CFAP20DC: variants seen among roughly 807,000 people sequenced by gnomAD.
The protein encoded by CFAP20DC is protein CFAP20DC.
In CFAP20DC, 84 loss-of-function variants were observed where a neutral mutation model predicts 101.7. The observed-to-expected ratio is 0.83, with a 90% CI of 0.69 to 0.99. The LOEUF (loss-of-function observed/expected upper bound fraction) is 0.99, where lower values mean the gene tolerates loss of function less well. Ranked by LOEUF, CFAP20DC falls within the 50% of genes least tolerant of loss-of-function variation. The pLI is 0.00. For synonymous variants in CFAP20DC, 359 were observed against 351.2 expected (o/e 1.02, Z -0.25); for missense variants, 1,007 against 970.3 (o/e 1.04, Z -0.50).
rs747290120 is a variant in CFAP20DC, at chr3:58,963,694, T to C, written c.279-25932A>G. Among the ~76,000 whole-genome samples the C allele has an allele frequency of 2.6e-4, 40 of 152,004 alleles. 1 individual carries two copies. The highest frequency in any genetic ancestry group is 1.3e-4 in the Admixed American group (2 of 15,262). On this transcript the variant is annotated intron_variant, in intron 4 of 16. Coordinates refer to ENST00000482387, the MANE Select transcript of CFAP20DC (RefSeq NM_001394063.1). ...AGTAATGTATGCTCATTTTGGAAAATCTGGAAAACATGGAAAAGAGGAAAG... is the reference window on the plus strand; with the variant it reads ...AGTAATGTATGCTCATTTTGGAAAACCTGGAAAACATGGAAAAGAGGAAAG...
In CFAP20DC at chr3:58,724,777, C is replaced by T. The variant is rs1485862754; in HGVS notation, c.198-7149G>A. 6.6e-6 allele frequency among the ~76,000 whole-genome samples: 1 copy of T among 152,094 alleles called. No homozygotes were observed. Among genetic ancestry groups the T allele is most frequent in the Non-Finnish European group, 1.5e-5 (1 of 68,014 alleles). ...AACTCTTAACCTGTCTCTTCTCAAT[C>T]CTTTGTCGCCACCGGACTTCGGGTA... On this transcript the variant is annotated intron_variant, in intron 3 of 3. Coordinates refer to the CFAP20DC transcript ENST00000486145. The surrounding 1 kb of genome is among the most constrained non-coding windows in gnomAD (Gnocchi z 5.6).
chr3:58,939,468 T>A (rs952019783), intron 4 of CFAP20DC, among the ~76,000 whole-genome samples: 1 of 152,150 alleles, frequency 6.6e-6, no homozygotes, highest in Non-Finnish European at 1.5e-5. Context: ...TTTTATTTTT[T>A]ATTTTTTTGA....
At position 59,007,875 on chromosome 3, in the gene CFAP20DC, G is replaced by A. The variant is rs115723786; in HGVS notation, c.278+31682C>T. 2.0e-3 allele frequency among the ~76,000 whole-genome samples: 311 copies of A among 152,306 alleles called. 2 individuals are homozygous for A. The highest frequency in any genetic ancestry group is 7.3e-3 in the African/African-American group (304 of 41,570). ...AAAAAACTCTGAACAGCAGGACTTG[G>A]GTTTCAGATCTTTCCACTGGTAGGT... is the stretch of plus-strand genomic sequence containing the variant. On this transcript the variant is annotated intron_variant, in intron 4 of 16. Coordinates refer to ENST00000482387, the MANE Select transcript of CFAP20DC (RefSeq NM_001394063.1). This position sits in a 1 kb window ranked among gnomAD's most constrained non-coding sequence, Gnocchi z 4.4.
chr3:58,808,171 C>T (rs549891316), intron 14 of CFAP20DC, among the ~76,000 whole-genome samples: 3 of 152,188 alleles, frequency 2.0e-5, no homozygotes, highest in African/African-American at 7.2e-5. Context: ...CTTCCCCAAT[C>T]TAGCAAGGCA....
At chr3:59,021,821 G>C (rs946982799) in intron 4 of CFAP20DC, among the ~76,000 whole-genome samples, 6 of 152,110 alleles carry the variant, frequency 3.9e-5, no homozygotes, top group Non-Finnish European at 7.4e-5. Flanking sequence ...GAGACAGAGA[G>C]AGAGAGAGAC....
chr3:59,019,184 C>T (rs937593383), intron 4 of CFAP20DC: 9 of 151,904 alleles, frequency 5.9e-5, no homozygotes, highest in Non-Finnish European at 1.0e-4. Flanking sequence ...TTTGTAAGAG[C>T]GAAAAAGCTG....
intron 14 of CFAP20DC, 104 bp from the exon 15 acceptor site, chr3:58,806,560 C>A: frequency 8.3e-6 from 7 of 843,412 alleles, no homozygotes; most frequent in Non-Finnish European, 1.4e-5. Flanking sequence ...AGACACAACC[C>A]ACAAGAAGGG....
In CFAP20DC at chr3:58,904,387, T is replaced by C. The variant is rs569463172; in HGVS notation, c.550+9321A>G. Among the ~76,000 whole-genome samples the C allele has an allele frequency of 2.0e-5, 3 of 152,252 alleles. No homozygotes were observed. The South Asian group carries it at 6.2e-4, about 32-fold the overall frequency. Reference sequence around the variant, plus strand: ...ACAGATATTCATGACCCATTTTTGGTGGTTCTACTATTGGCTGCTGGGCAC... The same window carrying C: ...ACAGATATTCATGACCCATTTTTGGCGGTTCTACTATTGGCTGCTGGGCAC... On this transcript the variant is annotated intron_variant, in intron 6 of 16. Coordinates refer to ENST00000482387, the MANE Select transcript of CFAP20DC (RefSeq NM_001394063.1).
At chr3:58,939,584 G>A (rs1468367242) in intron 4 of CFAP20DC, among the ~76,000 whole-genome samples, 1 of 151,324 alleles carries the variant, frequency 6.6e-6, no homozygotes, top group Non-Finnish European at 1.5e-5. Context: ...TCAGTCTCCC[G>A]AGTAGCTGGG....
chr3:58,806,349 A>G, intron 15 of CFAP20DC, 46 bp downstream of exon 15: 1 of 1,274,724 alleles, frequency 7.8e-7, no homozygotes, highest in African/African-American at 1.6e-5. Flanking sequence ...CAATCTTCCA[A>G]CTAAGTTTTT....
intron 10 of CFAP20DC, among the ~76,000 whole-genome samples, chr3:58,867,524 T>C (rs1576024892): frequency 6.6e-6 from 1 of 152,182 alleles, no homozygotes; most frequent in Non-Finnish European, 1.5e-5. Context: ...GGAACTTCTA[T>C]CACATTTGGG....
intron 13 of CFAP20DC, among the ~76,000 whole-genome samples, chr3:58,837,050 G>A (rs1041220566): frequency 2.6e-5 from 4 of 152,076 alleles, no homozygotes; most frequent in Non-Finnish European, 5.9e-5. Flanking sequence ...TAGGGAGCTT[G>A]TGTTCATATC....
chr3:58,723,196 CTG>C (rs1396872590), intron 3 of CFAP20DC, among the ~76,000 whole-genome samples: 2 of 152,224 alleles, frequency 1.3e-5, no homozygotes, highest in African/African-American at 4.8e-5. Flanking sequence ...AAAACTGTAA[CTG>C]TGAATAAATT....
rs1353335959 is a variant in CFAP20DC at position 58,871,073 on chromosome 3, T to C, written c.716-764A>G. Reference sequence around the variant, plus strand: ...GCCGTCAGTGACACAAAATGGAGAATGGAGAGGCGGATAAGACCAGTAAAC... The same window carrying C: ...GCCGTCAGTGACACAAAATGGAGAACGGAGAGGCGGATAAGACCAGTAAAC... On this transcript the variant is annotated intron_variant, in intron 7 of 16. Transcript: ENST00000482387. Among the ~76,000 whole-genome samples the C allele has an allele frequency of 8.5e-5, 13 of 152,062 alleles. No individual in the cohort carries two copies. In the East Asian group the frequency reaches 1.9e-3, roughly 23 times the overall value.
chr3:58,908,505 T>C (rs533770855), intron 6 of CFAP20DC, among the ~76,000 whole-genome samples: 4 of 152,278 alleles, frequency 2.6e-5, no homozygotes, highest in Admixed American at 2.0e-4. Flanking sequence ...CAACACCAAA[T>C]GCCGGTGAGA....
rs1157681768 is a variant in CFAP20DC, at chr3:58,980,574, T to C, written c.279-42812A>G. On this transcript the variant is annotated intron_variant, in intron 4 of 16. Coordinates refer to ENST00000482387, the MANE Select transcript of CFAP20DC (RefSeq NM_001394063.1). ...ATATACACAAATCAATAAATGTAAT[T>C]GAGCATATAAACAGAACCAAAGACA... 3.7e-4 allele frequency among the ~76,000 whole-genome samples: 57 copies of C among 152,244 alleles called. 1 individual carries two copies. The highest frequency in any genetic ancestry group is 3.4e-3 in the Middle Eastern group (1 of 294).
In CFAP20DC at chr3:58,869,164, T is replaced by A. The variant is rs1299285667; in HGVS notation, c.1015+164A>T. Among the ~76,000 whole-genome samples the A allele has an allele frequency of 6.6e-6, 1 of 152,220 alleles. No individual in the cohort carries two copies. Among genetic ancestry groups the A allele is most frequent in the Non-Finnish European group, 1.5e-5 (1 of 68,024 alleles). ...GAATGATAGATTTCAGAAGCTAATA[T>A]AAGAATTTCAAATATATTTCAAAAT... is the stretch of plus-strand genomic sequence containing the variant. On this transcript the variant is annotated intron_variant, in intron 9 of 16. Transcript: ENST00000482387. The surrounding 1 kb of genome is among the most constrained non-coding windows in gnomAD (Gnocchi z 4.3).
intron 3 of CFAP20DC, among the ~76,000 whole-genome samples, chr3:58,720,137 T>C (rs151157249): frequency 7.0e-4 from 106 of 152,348 alleles, no homozygotes; most frequent in African/African-American, 2.2e-3. Context: ...GCAAATTTCA[T>C]CTTGTGCTGT....
rs1271189433 is a variant in CFAP20DC at position 58,799,721 on chromosome 3, CTGTGTGTGTGTCTGTGTGTGTGTGTG to C, written c.2237+6648_2237+6673del. ...TCGAGAAGGAGCAGTGTGTGTGTGT[CTGTGTGTGTGTCTGTGTGTGTGTGTG>C]TGTGTGTGTGTGTGTGTGTGTAGAA... On this transcript the variant is annotated intron_variant, in intron 15 of 16. Transcript: ENST00000482387. This position sits in a 1 kb window ranked among gnomAD's most constrained non-coding sequence, Gnocchi z 4.9. Among the ~76,000 whole-genome samples the C allele has an allele frequency of 4.5e-5, 6 of 134,556 alleles. No individual in the cohort carries two copies. The highest frequency in any genetic ancestry group is 1.2e-4 in the African/African-American group (4 of 32,998). 88.3% of individuals were successfully genotyped at this position (134,556 alleles called of 152,430 possible). A position where few individuals can be genotyped will look rare whatever the true frequency, so the allele number is the denominator to read the frequency against.
Sources: gnomAD v4.1 joint callset for allele counts (sites outside exome capture counted in the v4.1 genomes callset) on GRCh38, gnomAD v4.1.1 for gene constraint, Gnocchi (gnomAD v3.1) non-coding constraint, MANE v1.5 for transcripts, NCBI Gene and HGNC (gene_info 2026-07-23, HGNC 2026-07-21) for gene names.